TMEM50B: variants seen among roughly 807,000 people sequenced by gnomAD.
TMEM50B encodes HCV p7-trans-regulated protein 3.
TMEM50B carries 14 observed loss-of-function variants against 23.4 expected under a neutral mutation model. That is an observed-to-expected ratio of 0.60 (90% CI 0.39 to 0.93). The LOEUF is 0.93. Among genes scored for constraint, TMEM50B ranks in the 40% least tolerant of loss-of-function variants. TMEM50B has a pLI of 0.00. For missense variants in TMEM50B, 159 were observed against 193.0 expected (o/e 0.82, Z 1.04); for synonymous variants, 64 against 62.3 (o/e 1.03, Z -0.13).
rs1601130605 is a variant in TMEM50B at position 33,468,850 on chromosome 21, T to C, written c.36A>G (p.Glu12=). ...TCTCACTCCAGTCAATACATTCACA[T>C]TCTGGCCAACGAAAATTATCTAGGA... is the stretch of plus-strand genomic sequence containing the variant. ...AGFLDNFRWP[E]CECIDWSERR... Residue 12 remains glutamate (E), a synonymous_variant, in exon 2 of 7, where the codon GAA becomes GAG. Transcript: ENST00000542230. 6.2e-7 allele frequency: 1 copy of C among 1,613,928 alleles called. No homozygotes were observed. The highest frequency in any genetic ancestry group is 8.5e-7 in the Non-Finnish European group (1 of 1,179,964).
At chr21:33,475,642 AG>A (rs2084362628) in intron 1 of TMEM50B, among the ~76,000 whole-genome samples, 1 of 147,838 alleles carries the variant, frequency 6.8e-6, no homozygotes, top group African/African-American at 2.5e-5. Context: ...CACCGCGCCC[AG>A]GAAGAAATTA....
chr21:33,438,928 C>T (rs1490830424), intron 8 of TMEM50B, among the ~76,000 whole-genome samples: 1 of 152,016 alleles, frequency 6.6e-6, no homozygotes, highest in Non-Finnish European at 1.5e-5. Context: ...TGGGGTTTCA[C>T]CATGTTGGCC....
At chr21:33,477,781 A>C (rs927571078) in intron 1 of TMEM50B, among the ~76,000 whole-genome samples, 1 of 151,952 alleles carries the variant, frequency 6.6e-6, no homozygotes, top group Non-Finnish European at 1.5e-5. Context: ...ATTGCACTCC[A>C]GCCTGGGCAA....
downstream of TMEM50B, among the ~76,000 whole-genome samples, chr21:33,444,815 A>G (rs202190931): frequency 6.6e-6 from 1 of 150,592 alleles, no homozygotes; most frequent in Admixed American, 6.6e-5. Flanking sequence ...AAAAAAAAAA[A>G]AAAAAGAAAG....
chr21:33,435,658 G>A (rs2083938822), intron 8 of TMEM50B, among the ~76,000 whole-genome samples: 1 of 151,918 alleles, frequency 6.6e-6, no homozygotes, highest in Admixed American at 6.6e-5. Context: ...GCCGAGGTGG[G>A]TGGATCATGA....
rs1364761164 is a variant in TMEM50B, at chr21:33,468,871, T to C, written c.15A>G (p.Leu5=). The C allele has an allele frequency of 6.2e-7, 1 of 1,613,540 alleles. No individual in the cohort carries two copies. Among genetic ancestry groups the C allele is most frequent in the South Asian group, 1.1e-5 (1 of 90,976 alleles). The change falls in exon 2 of 7, where the codon CTA becomes CTG. Residue 5 remains leucine (L), a synonymous_variant. Transcript: ENST00000542230. ...CACATTCTGGCCAACGAAAATTATC[T>C]AGGAAGCCTGCCATTTTTACTTCTT... The part of the protein sequence containing the change: MAGF[L]DNFRWPECEC...
rs1456376715 is a variant in TMEM50B at position 33,479,895 on chromosome 21, G to C, written c.-99C>G. ...GCGCGCGCGCAGGAAGGAGACTGCT[G>C]CGCCACAACCCTGCCGGCGTCCCGC... On this transcript the variant is annotated 5_prime_UTR_variant, in exon 1 of 7. Coordinates refer to ENST00000542230, the MANE Select transcript of TMEM50B (RefSeq NM_006134.7). 4 of 152,292 alleles carry C rather than the reference G, an allele frequency of 2.6e-5. No homozygotes were observed. Among genetic ancestry groups the C allele is most frequent in the African/African-American group, 7.2e-5 (3 of 41,460 alleles). The allele number at this position is 152,292 out of a possible 1,614,324, so 9.4% of individuals were successfully genotyped here.
chr21:33,438,563 C>T (rs1481126826), intron 8 of TMEM50B, among the ~76,000 whole-genome samples: 2 of 151,926 alleles, frequency 1.3e-5, no homozygotes, highest in Non-Finnish European at 2.9e-5. Context: ...TTTGGGAGGC[C>T]GAGGCAGGCA....
At chr21:33,435,646 A>G (rs1348190614) in intron 8 of TMEM50B, among the ~76,000 whole-genome samples, 1 of 152,050 alleles carries the variant, frequency 6.6e-6, no homozygotes, top group African/African-American at 2.4e-5. Flanking sequence ...GCACTTTGAG[A>G]GGCCGAGGTG....
chr21:33,459,843 G>C (rs1312510210), intron 5 of TMEM50B, among the ~76,000 whole-genome samples: 1 of 151,412 alleles, frequency 6.6e-6, no homozygotes, highest in Non-Finnish European at 1.5e-5. Context: ...AGAACAGTAA[G>C]GGAAAGCACA....
At chr21:33,466,894 A>G (rs2084269067) in intron 3 of TMEM50B, 116 bp downstream of exon 3, 1 of 734,286 alleles carries the variant, frequency 1.4e-6, no homozygotes, top group Admixed American at 3.0e-5. Flanking sequence ...TGTATGTATC[A>G]TGTTAAAAAA....
At chr21:33,463,112 T>C (rs2084231960) in intron 4 of TMEM50B, among the ~76,000 whole-genome samples, 2 of 152,082 alleles carry the variant, frequency 1.3e-5, no homozygotes, top group South Asian at 4.1e-4. Context: ...GCCAACATGG[T>C]GAAACCCAGT....
intron 6 of TMEM50B, among the ~76,000 whole-genome samples, chr21:33,452,327 T>G (rs1281125383): frequency 6.6e-6 from 1 of 152,170 alleles, no homozygotes. Flanking sequence ...GGCTAGAGTT[T>G]GCCATGCAGC....
chr21:33,440,532 G>A (rs1032584421), intron 7 of TMEM50B, among the ~76,000 whole-genome samples: 1 of 151,870 alleles, frequency 6.6e-6, no homozygotes, highest in Admixed American at 6.6e-5. Flanking sequence ...AGGTTGCAGT[G>A]AGCAGAGATC....
intron 6 of TMEM50B, among the ~76,000 whole-genome samples, chr21:33,455,048 G>A (rs78540336): frequency 1.3e-5 from 2 of 152,072 alleles, no homozygotes; most frequent in African/African-American, 2.4e-5. Flanking sequence ...GTCCCGAGGC[G>A]GAGGCTGCAG....
At chr21:33,469,658 G>A (rs1439405028) in intron 1 of TMEM50B, 1 of 152,132 alleles carries the variant, frequency 6.6e-6, no homozygotes, top group Non-Finnish European at 1.5e-5. Flanking sequence ...CTGGTTCTCT[G>A]GAACACTAAT....
rs1407726989 is a variant in TMEM50B at position 33,450,357 on chromosome 21, C to G, written c.*461G>C. Reference sequence around the variant, plus strand: ...GGATTACAGGCACCCACCACCATGCCTGGCTAATTTTTGTATTTTTAGTAG... The same window carrying G: ...GGATTACAGGCACCCACCACCATGCGTGGCTAATTTTTGTATTTTTAGTAG... On this transcript the variant is annotated 3_prime_UTR_variant, in exon 7 of 7. Transcript: ENST00000542230. 6.6e-6 allele frequency: 1 copy of G among 152,552 alleles called. No homozygotes were observed. Among genetic ancestry groups the G allele is most frequent in the African/African-American group, 2.4e-5 (1 of 41,442 alleles). The allele number at this position is 152,552 out of a possible 1,614,324, so 9.4% of individuals were successfully genotyped here.
intron 5 of TMEM50B, among the ~76,000 whole-genome samples, chr21:33,456,396 C>G (rs983090769): frequency 6.6e-6 from 1 of 152,134 alleles, no homozygotes; most frequent in Non-Finnish European, 1.5e-5. Flanking sequence ...GCAAATATGT[C>G]AGATATAAAT....
At position 33,467,142 on chromosome 21, in the gene TMEM50B, C is replaced by CG; in HGVS notation, c.100-21_100-20insC. Reference sequence around the variant, plus strand: ...AAAAAACTTAAAACACAGCCCAAGTCACTGAAACATTAAAACTCTTGCTAG... The same window carrying CG: ...AAAAAACTTAAAACACAGCCCAAGTCGACTGAAACATTAAAACTCTTGCTAG... On this transcript the variant is annotated intron_variant, in intron 2 of 6. Coordinates refer to ENST00000542230, the MANE Select transcript of TMEM50B (RefSeq NM_006134.7). 6.3e-7 allele frequency: 1 copy of CG among 1,590,458 alleles called. No homozygotes were observed. The highest frequency in any genetic ancestry group is 8.6e-7 in the Non-Finnish European group (1 of 1,159,220).
Sources: allele counts gnomAD v4.1 joint callset (sites outside exome capture counted in the v4.1 genomes callset), GRCh38; gene constraint gnomAD v4.1.1; transcripts MANE v1.5; gene names NCBI Gene and HGNC (gene_info 2026-07-23, HGNC 2026-07-21).